GIGYF2: variants seen among roughly 807,000 people sequenced by gnomAD.
The protein encoded by GIGYF2 is GRB10 interacting GYF protein 2.
Under a neutral mutation model 208.1 loss-of-function variants are expected in GIGYF2, and 25 were observed. The ratio of observed to expected loss-of-function variants is 0.12; its 90% CI spans 0.09 to 0.17. GIGYF2 has a LOEUF of 0.17. Among genes scored for constraint, GIGYF2 ranks in the 10% least tolerant of loss-of-function variants. The pLI, the probability that GIGYF2 is intolerant of heterozygous loss-of-function variation, is 1.00. For missense variants in GIGYF2, 1,302 were observed against 1,579.4 expected, an observed-to-expected ratio of 0.82 and a Z score of 2.98; for synonymous variants, 534 against 543.8, an observed-to-expected ratio of 0.98 and a Z score of 0.25.
intron 2 of GIGYF2, among the ~76,000 whole-genome samples, chr2:232,723,931 T>C (rs935608403): frequency 1.3e-5 from 2 of 150,460 alleles, no homozygotes; most frequent in African/African-American, 2.5e-5. Flanking sequence ...AGAGACGGGG[T>C]TTCTCCATGT....
chr2:232,835,827 C>T (rs1701570694), intron 22 of GIGYF2, among the ~76,000 whole-genome samples: 1 of 152,132 alleles, frequency 6.6e-6, no homozygotes, highest in Admixed American at 6.5e-5. Flanking sequence ...TTTCACTCCA[C>T]TTATTGCTAG....
chr2:232,834,767 G>A (rs540910864), intron 22 of GIGYF2, among the ~76,000 whole-genome samples: 2 of 151,940 alleles, frequency 1.3e-5, no homozygotes, highest in African/African-American at 4.8e-5. Flanking sequence ...TGTGTAATCT[G>A]TATTGATCTA....
rs369970445 is a variant in GIGYF2 at position 232,747,598 on chromosome 2, T to G, written c.42-17T>G. The G allele has an allele frequency of 6.2e-7, 1 of 1,613,746 alleles. No homozygotes were observed. The highest frequency in any genetic ancestry group is 1.3e-5 in the African/African-American group (1 of 74,944). On this transcript the variant is annotated splice_polypyrimidine_tract_variant and intron_variant, in intron 3 of 28. Coordinates refer to ENST00000373563, the MANE Select transcript of GIGYF2 (RefSeq NM_001103146.3). Reference sequence around the variant, plus strand: ...GCACCAGAATGTTTGACATATTCTCTGTCTTTTCTATTCTAGGCTCCGAGC... The same window carrying G: ...GCACCAGAATGTTTGACATATTCTCGGTCTTTTCTATTCTAGGCTCCGAGC...
intron 5 of GIGYF2, among the ~76,000 whole-genome samples, chr2:232,750,718 A>G (rs772734973): frequency 4.1e-5 from 6 of 147,602 alleles, no homozygotes; most frequent in Non-Finnish European, 6.0e-5. Context: ...GATTTATGCT[A>G]TTTATATGAG....
chr2:232,715,509 G>C (rs1482088235), intron 2 of GIGYF2, among the ~76,000 whole-genome samples: 2 of 151,734 alleles, frequency 1.3e-5, no homozygotes, highest in African/African-American at 2.4e-5. Flanking sequence ...ATAATGTTTT[G>C]CAAGGTTTCA....
chr2:232,736,022 A>G (rs1272178886), intron 3 of GIGYF2: 4 of 980,074 alleles, frequency 4.1e-6, no homozygotes, highest in Non-Finnish European at 4.8e-6. Flanking sequence ...GAGTGGTTCA[A>G]TAAATGATGC....
chr2:232,729,898 T>C lies in GIGYF2; in HGVS notation c.-43-5257T>C, dbSNP rs1697377318. The C allele has an allele frequency of 5.4e-6, 4 of 739,994 alleles. No homozygotes were observed. The South Asian group carries it at 5.6e-5, about 10-fold the overall frequency. 45.8% of individuals were successfully genotyped at this position (739,994 alleles called of 1,614,324 possible). On this transcript the variant is annotated intron_variant, in intron 2 of 28. Transcript: ENST00000373563. ...CTCCCATCAGCTCCAAAGAGATCAA[T>C]GTCATCATCATCTTTACTATCTTTA...
At chr2:232,757,528 T>C (rs906418736) in intron 6 of GIGYF2, among the ~76,000 whole-genome samples, 5 of 152,126 alleles carry the variant, frequency 3.3e-5, no homozygotes, top group African/African-American at 1.2e-4. Context: ...GAATTTGAGA[T>C]CCATGCATCT....
intron 8 of GIGYF2, among the ~76,000 whole-genome samples, chr2:232,776,026 ACTTTCTT>A (rs1329924188): frequency 6.6e-6 from 1 of 152,174 alleles, no homozygotes; most frequent in Non-Finnish European, 1.5e-5. Flanking sequence ...GATACTCATC[ACTTTCTT>A]CTTAGATTAC....
intron 2 of GIGYF2, among the ~76,000 whole-genome samples, chr2:232,708,724 C>T (rs376198215): frequency 6.7e-6 from 1 of 149,746 alleles, no homozygotes; most frequent in Non-Finnish European, 1.5e-5. Context: ...GGCCTGTAGT[C>T]CTAACTACAG....
chr2:232,723,936 C>G (rs560862327), intron 2 of GIGYF2, among the ~76,000 whole-genome samples: 1 of 151,426 alleles, frequency 6.6e-6, no homozygotes, highest in Non-Finnish European at 1.5e-5. Context: ...CGGGGTTTCT[C>G]CATGTTAGGC....
rs1188511403 is a variant in GIGYF2, at chr2:232,698,308, G to GT, written c.-110+917dup. 2.6e-5 allele frequency: 4 copies of GT among 152,084 alleles called. 1 individual carries two copies. Among genetic ancestry groups the GT allele is most frequent in the Admixed American group, 1.3e-4 (2 of 15,266 alleles). 9.4% of individuals were successfully genotyped at this position (152,084 alleles called of 1,614,324 possible). A position where few individuals can be genotyped will look rare whatever the true frequency, so the allele number is the denominator to read the frequency against. Reference sequence around the variant, plus strand: ...CACACGTAGTCTCTCTGTAAGAAAGGTAAGTATTCCAGTTTAACTTGCAAG... The same window carrying GT: ...CACACGTAGTCTCTCTGTAAGAAAGGTTAAGTATTCCAGTTTAACTTGCAAG... On this transcript the variant is annotated intron_variant, in intron 1 of 28. Transcript: ENST00000373563.
At chr2:232,851,521 G>A (rs1281304422) in intron 28 of GIGYF2, among the ~76,000 whole-genome samples, 2 of 152,114 alleles carry the variant, frequency 1.3e-5, no homozygotes, top group African/African-American at 4.8e-5. Flanking sequence ...CCGGGTTCAA[G>A]CGATTCTCTT....
chr2:232,817,533 A>G (rs1317149129), intron 20 of GIGYF2, among the ~76,000 whole-genome samples: 1 of 152,216 alleles, frequency 6.6e-6, no homozygotes, highest in Non-Finnish European at 1.5e-5. Flanking sequence ...CCATTAAACA[A>G]GGAGCCCCAC....
Position 232,761,424 on chromosome 2 carries a change from C to A in GIGYF2, c.520C>A (p.Arg174=). 2 of 1,601,642 alleles carry A rather than the reference C, an allele frequency of 1.2e-6. No individual in the cohort carries two copies. The highest frequency in any genetic ancestry group is 1.7e-6 in the Non-Finnish European group (2 of 1,169,086). Residue 174 remains arginine (R), a synonymous_variant, in exon 8 of 29, where the codon CGA becomes AGA. Transcript: ENST00000373563. ...TGACAGACGTTTTGAAAAACCAGGA[C>A]GAAAAGATGTAGGTAAGGTTCTTAC... The part of the protein sequence containing the change: ...RGDRRFEKPG[R]KDVGRPNFEE...
intron 14 of GIGYF2, among the ~76,000 whole-genome samples, chr2:232,796,705 A>C (rs1700232685): frequency 6.6e-6 from 1 of 152,180 alleles, no homozygotes; most frequent in Non-Finnish European, 1.5e-5. Context: ...CTAAAAATAC[A>C]AAATTAGCTC....
intron 2 of GIGYF2, among the ~76,000 whole-genome samples, chr2:232,704,856 ATTTT>A (rs10689292): frequency 5.9e-5 from 6 of 101,956 alleles, no homozygotes; most frequent in African/African-American, 1.9e-4. Context: ...TAACTTCTGG[ATTTT>A]TTTTTTTTTT....
rs138854736 is a variant in GIGYF2 at position 232,811,831 on chromosome 2, A to G, written c.2006+480A>G. Among the ~76,000 whole-genome samples, 12 of 152,334 alleles carry G rather than the reference A, an allele frequency of 7.9e-5. No homozygotes were observed. The East Asian group carries it at 2.3e-3, about 29-fold the overall frequency. On this transcript the variant is annotated intron_variant, in intron 17 of 28. Transcript: ENST00000373563. Reference sequence around the variant, plus strand: ...AGAGTAATATTTCTCCTGAACAAGTATCAGTCACTGCTCTTAAAAATCTTA... The same window carrying G: ...AGAGTAATATTTCTCCTGAACAAGTGTCAGTCACTGCTCTTAAAAATCTTA...
At position 232,763,811 on chromosome 2, in the gene GIGYF2, G is replaced by T. The variant is rs201792483; in HGVS notation, c.532+2375G>T. 3.3e-5 allele frequency among the ~76,000 whole-genome samples: 5 copies of T among 150,998 alleles called. No individual in the cohort carries two copies. In the East Asian group the frequency reaches 9.7e-4, roughly 29 times the overall value. On this transcript the variant is annotated intron_variant, in intron 8 of 28. Transcript: ENST00000373563. ...GTGCCACTGCACTCCAGCCTGGCTG[G>T]CAGAGCAAGACTCTGTCTGCAAAAA...
Sources: allele counts gnomAD v4.1 joint callset (sites outside exome capture counted in the v4.1 genomes callset), GRCh38; gene constraint gnomAD v4.1.1; transcripts MANE v1.5; gene names NCBI Gene and HGNC (gene_info 2026-07-23, HGNC 2026-07-21).